The following BCLAF3 variants were observed in gnomAD, a reference collection of about 807,000 sequenced individuals.
BCLAF3 encodes the protein BCLAF1 and THRAP3 family member 3, also known as transient octamer binding factor 1.
A neutral mutation model predicts 51.2 loss-of-function variants in BCLAF3; 24 were observed. That is an observed-to-expected ratio of 0.47 (90% confidence interval 0.34 to 0.66). BCLAF3 has a LOEUF of 0.66. BCLAF3 is among the 30% of genes least tolerant of loss of function. BCLAF3 has a pLI of 0.01. For missense variants in BCLAF3, 465 were observed against 525.1 expected (o/e 0.89, Z 1.12); for synonymous variants, 152 against 176.6 (o/e 0.86, Z 1.10).
Position 19,915,941 on chromosome X carries a change from C to G in BCLAF3, c.*1364G>C, listed in dbSNP as rs1247948481. 8.9e-6 allele frequency: 1 copy of G among 111,822 alleles called. No individual in the cohort carries two copies. The highest frequency in any genetic ancestry group is 3.2e-5 in the African/African-American group (1 of 30,793). The allele number at this position is 111,822 out of a possible 1,213,427, so 9.2% of individuals were successfully genotyped here. A position where few individuals can be genotyped will look rare whatever the true frequency, so the allele number is the denominator to read the frequency against. On this transcript the variant is annotated 3_prime_UTR_variant, in exon 12 of 12. Transcript: ENST00000379682. ...TATAGAGATTGTACACAGTACAAGA[C>G]AGGCCATCTACCCAAATTTATTACC...
intron 4 of BCLAF3, among the ~76,000 whole-genome samples, chrX:19,957,310 C>A (rs1164129835): frequency 8.9e-6 from 1 of 112,078 alleles, no homozygotes; most frequent in African/African-American, 3.2e-5. Flanking sequence ...TGTTAGAACA[C>A]CCCGTAACGA....
intron 1 of BCLAF3, among the ~76,000 whole-genome samples, chrX:19,975,855 C>T (rs145344885): frequency 0.018 from 2,010 of 111,497 alleles, 61 homozygotes; most frequent in African/African-American, 0.063. Context: ...GAATACTACA[C>T]TTTCTTGGTT....
In BCLAF3 at chrX:19,971,516, A is replaced by C. The variant is rs1418822164; in HGVS notation, c.-34-1218T>G. Among the ~76,000 whole-genome samples the C allele has an allele frequency of 3.5e-5, 4 of 112,828 alleles. No homozygotes were observed. In the East Asian group the frequency reaches 1.1e-3, roughly 31 times the overall value. ...TAAAACAAATAATGTCAAATAAGTA[A>C]ATTTTAAAAGGCACTTCTAAACTTG... is the stretch of plus-strand genomic sequence containing the variant. On this transcript the variant is annotated intron_variant, in intron 1 of 11. Coordinates refer to ENST00000379682, the MANE Select transcript of BCLAF3 (RefSeq NM_001367774.2).
chrX:19,927,882 TTTC>T (rs1354535242), intron 11 of BCLAF3, among the ~76,000 whole-genome samples: 1 of 107,824 alleles, frequency 9.3e-6, no homozygotes, highest in Non-Finnish European at 1.9e-5. Flanking sequence ...TCTTTCTTTC[TTTC>T]TTTTTTTTTT....
chrX:19,982,946 CCTTT>C (rs1259161773), intron 1 of BCLAF3, among the ~76,000 whole-genome samples: 1 of 93,978 alleles, frequency 1.1e-5, no homozygotes, highest in Non-Finnish European at 2.0e-5. Flanking sequence ...CAAAGTGATT[CCTTT>C]TTTTTTTCTT....
chrX:19,955,500 A>G lies in BCLAF3; in HGVS notation c.1341T>C (p.Ser447=). Residue 447 remains serine, a synonymous_variant, in exon 5 of 12, where the codon AGT becomes AGC. Transcript: ENST00000379682. ...SHDLVAVGRK[S]ENFHPVFEHL... is the part of the protein sequence containing the mutation. ...GTTCAAACACTGGATGAAAGTTCTC[A>G]CTTTTCCTGCCAACAGCAACCAAAT... 2 of 1,204,068 alleles carry G rather than the reference A, an allele frequency of 1.7e-6. No homozygotes were observed. Among genetic ancestry groups the G allele is most frequent in the Non-Finnish European group, 2.2e-6 (2 of 892,218 alleles).
intron 4 of BCLAF3, among the ~76,000 whole-genome samples, chrX:19,961,671 T>A (rs888756590): frequency 1.2e-4 from 13 of 112,609 alleles, no homozygotes; most frequent in African/African-American, 3.9e-4. Context: ...TATGGATCAG[T>A]CCACATATAA....
intron 8 of BCLAF3, among the ~76,000 whole-genome samples, chrX:19,938,136 G>C (rs1170831520): frequency 9.0e-6 from 1 of 111,062 alleles, no homozygotes; most frequent in Non-Finnish European, 1.9e-5. Context: ...GTCCTTCCCT[G>C]GGATCTTCCT....
intron 11 of BCLAF3, among the ~76,000 whole-genome samples, chrX:19,924,109 A>C (rs1444433879): frequency 9.0e-6 from 1 of 110,994 alleles, no homozygotes; most frequent in Non-Finnish European, 1.9e-5. Context: ...TGCAAGTTTG[A>C]TTTTAAACAT....
chrX:19,982,861 T>C (rs759688678), intron 1 of BCLAF3, among the ~76,000 whole-genome samples: 2 of 110,622 alleles, frequency 1.8e-5, no homozygotes, highest in African/African-American at 3.3e-5. Flanking sequence ...AATCCACCTA[T>C]TACAATAAAA....
chrX:19,945,347 G>A (rs1353108147), intron 8 of BCLAF3, among the ~76,000 whole-genome samples: 18 of 107,314 alleles, frequency 1.7e-4, no homozygotes, highest in African/African-American at 6.3e-4. Flanking sequence ...GAGGAGAGGC[G>A]CTCTGTGTTT....
chrX:19,971,252 TTTGTATTTTTGGTAGA>T (rs2072248532), intron 1 of BCLAF3, among the ~76,000 whole-genome samples: 1 of 111,389 alleles, frequency 9.0e-6, no homozygotes, highest in Admixed American at 9.6e-5. Context: ...CTGGCTAATT[TTTGTATTTTTGGTAGA>T]CACGGGGTTT....
chrX:19,975,462 G>A (rs1034090692), intron 1 of BCLAF3, among the ~76,000 whole-genome samples: 4 of 109,481 alleles, frequency 3.7e-5, no homozygotes, highest in Admixed American at 2.9e-4. Context: ...TCATGCCTCA[G>A]CCTCCCAAGT....
intron 8 of BCLAF3, among the ~76,000 whole-genome samples, chrX:19,949,558 C>T (rs1320343981): frequency 3.6e-5 from 4 of 112,102 alleles, no homozygotes; most frequent in African/African-American, 1.3e-4. Flanking sequence ...TCATGTCATG[C>T]ATTAACCATA....
intron 4 of BCLAF3, among the ~76,000 whole-genome samples, chrX:19,961,578 T>A (rs1370953876): frequency 1.8e-5 from 2 of 112,306 alleles, no homozygotes; most frequent in Non-Finnish European, 3.8e-5. Context: ...ACTCTATGAT[T>A]ATTTTACTCT....
At chrX:19,987,327 CA>C (rs775818307) in intron 1 of BCLAF3, among the ~76,000 whole-genome samples, 27 of 112,024 alleles carry the variant, frequency 2.4e-4, no homozygotes, top group Non-Finnish European at 4.7e-4. Context: ...TATTTAGAGA[CA>C]GAGTCTTGCT....
chrX:19,939,113 C>G lies in BCLAF3; in HGVS notation c.1746-1581G>C, dbSNP rs1276731468. ...TGTCAAAATGCTCACGACAGTAGATCAAAAGAGTAAAGTGCAAAGTTGTAT... is the reference window on the plus strand; with the variant it reads ...TGTCAAAATGCTCACGACAGTAGATGAAAAGAGTAAAGTGCAAAGTTGTAT... On this transcript the variant is annotated intron_variant, in intron 8 of 11. Transcript: ENST00000379682. Among the ~76,000 whole-genome samples, 4 of 111,478 alleles carry G rather than the reference C, an allele frequency of 3.6e-5. No individual in the cohort carries two copies. In the East Asian group the frequency reaches 1.1e-3, roughly 31 times the overall value.
At chrX:19,978,370 T>C (rs1360406970) in intron 1 of BCLAF3, among the ~76,000 whole-genome samples, 1 of 111,341 alleles carries the variant, frequency 9.0e-6, no homozygotes, top group Non-Finnish European at 1.9e-5. Flanking sequence ...TTGGAAGAAG[T>C]TGATTCCAAC....
intron 1 of BCLAF3, among the ~76,000 whole-genome samples, chrX:19,984,321 C>T (rs2072726175): frequency 1.8e-5 from 2 of 110,540 alleles, no homozygotes; most frequent in African/African-American, 3.3e-5. Flanking sequence ...TAATAGGAGA[C>T]TTTAATACAT....
Sources: gnomAD v4.1 joint callset for allele counts (sites outside exome capture counted in the v4.1 genomes callset) on GRCh38, gnomAD v4.1.1 for gene constraint, MANE v1.5 for transcripts, NCBI Gene and HGNC (gene_info 2026-07-23, HGNC 2026-07-21) for gene names.